Variants in RALGAPA1 observed in about 807,000 individuals in gnomAD.
RALGAPA1 encodes Ral GTPase activating protein catalytic subunit alpha 1.
In RALGAPA1, 52 loss-of-function variants were observed where a neutral mutation model predicts 269.6. That is an observed-to-expected ratio of 0.19 (90% confidence interval 0.15 to 0.24). The LOEUF (loss-of-function observed/expected upper bound fraction) is 0.24, where lower values mean the gene tolerates loss of function less well. Among genes scored for constraint, RALGAPA1 ranks in the 10% least tolerant of loss-of-function variants. RALGAPA1 has a pLI of 1.00. For missense variants in RALGAPA1, 1,917 were observed against 3,013.9 expected (o/e 0.64, Z 8.52); for synonymous variants, 817 against 1,008.3 (o/e 0.81, Z 3.60).
chr14:35,700,380 A>T, intron 16 of RALGAPA1, 78 bp from the exon 17 acceptor site: 1 of 1,189,776 alleles, frequency 8.4e-7, no homozygotes, highest in Non-Finnish European at 1.1e-6. Context: ...TCACAGAAAA[A>T]GCAGCAACAG....
chr14:35,749,911 TAA>T (rs1353618946), intron 9 of RALGAPA1, among the ~76,000 whole-genome samples: 1 of 151,996 alleles, frequency 6.6e-6, no homozygotes, highest in Non-Finnish European at 1.5e-5. Context: ...AAAAATACTG[TAA>T]TATAGACATG....
intron 19 of RALGAPA1, among the ~76,000 whole-genome samples, 189 bp downstream of exon 19, chr14:35,686,353 T>C (rs973230466): frequency 1.3e-5 from 2 of 152,070 alleles, no homozygotes; most frequent in African/African-American, 4.8e-5. Flanking sequence ...AGGCTGTTTA[T>C]GTCTTTAGAT....
rs748346559 is a variant in RALGAPA1 at position 35,605,606 on chromosome 14, C to T, written c.7033G>A (p.Val2345Ile). Residue 2345 changes from valine (V) to isoleucine (I), a missense_variant, in exon 36 of 42, where the codon GTA (valine) becomes ATA (isoleucine). Coordinates refer to ENST00000680220, the MANE Select transcript of RALGAPA1 (RefSeq NM_001346249.2). Reference protein sequence around the residue: ...TGGSQAYEDFVAGLGWEVNLT... With the variant: ...TGGSQAYEDFIAGLGWEVNLT... ...AATACCTCCCAACCAAGACCAGCTA[C>T]AAAATCTTCATATGCTTGACTTCCT... 6 of 1,604,344 alleles carry T rather than the reference C, an allele frequency of 3.7e-6. No individual in the cohort carries two copies. The highest frequency in any genetic ancestry group is 1.7e-4 in the Middle Eastern group (1 of 5,938).
At chr14:35,653,603 T>G (rs2062986048) in intron 30 of RALGAPA1, among the ~76,000 whole-genome samples, 1 of 152,134 alleles carries the variant, frequency 6.6e-6, no homozygotes, top group African/African-American at 2.4e-5. Context: ...AATTCACAGC[T>G]AAAGAATTTG....
intron 12 of RALGAPA1, among the ~76,000 whole-genome samples, chr14:35,730,681 C>T (rs1046241699): frequency 1.3e-5 from 2 of 152,146 alleles, no homozygotes; most frequent in African/African-American, 4.8e-5. Context: ...GTACACAACT[C>T]CATTGACCTG....
chr14:35,760,231 T>G (rs902402849), intron 6 of RALGAPA1, among the ~76,000 whole-genome samples: 2 of 152,200 alleles, frequency 1.3e-5, no homozygotes, highest in African/African-American at 4.8e-5. Context: ...GGGGCTTTAC[T>G]GACTCTAGAG....
At chr14:35,628,025 C>T in intron 33 of RALGAPA1, 74 bp from the exon 34 acceptor site, 1 of 1,415,698 alleles carries the variant, frequency 7.1e-7, no homozygotes, top group Non-Finnish European at 9.5e-7. Context: ...AAATATTAGA[C>T]AACAAATAGG....
chr14:35,782,840 T>C (rs1197826642), intron 1 of RALGAPA1, among the ~76,000 whole-genome samples: 1 of 152,038 alleles, frequency 6.6e-6, no homozygotes, highest in East Asian at 1.9e-4. Flanking sequence ...ATTTTTTTTT[T>C]TTAAATGGAG....
At chr14:35,647,426 C>T (rs937275970) in intron 31 of RALGAPA1, among the ~76,000 whole-genome samples, 3 of 152,104 alleles carry the variant, frequency 2.0e-5, no homozygotes, top group Non-Finnish European at 2.9e-5. Flanking sequence ...TGAGAAATGC[C>T]TCCCTATACT....
At chr14:35,622,230 T>C (rs2060680586) in intron 35 of RALGAPA1, among the ~76,000 whole-genome samples, 1 of 152,166 alleles carries the variant, frequency 6.6e-6, no homozygotes, top group Non-Finnish European at 1.5e-5. Flanking sequence ...TGGACGAAGC[T>C]AGAAACCATC....
chr14:35,576,051 T>C (rs530985168), intron 37 of RALGAPA1, among the ~76,000 whole-genome samples: 7 of 152,370 alleles, frequency 4.6e-5, no homozygotes, highest in African/African-American at 9.6e-5. Flanking sequence ...CTAATATATA[T>C]CTTACCTTTC....
intron 1 of RALGAPA1, among the ~76,000 whole-genome samples, chr14:35,779,044 A>G (rs1039683717): frequency 6.6e-6 from 1 of 152,202 alleles, no homozygotes; most frequent in Non-Finnish European, 1.5e-5. Flanking sequence ...TCAGCCTCCA[A>G]TGTAATACAT....
intron 7 of RALGAPA1, among the ~76,000 whole-genome samples, chr14:35,755,147 A>C (rs896530321): frequency 6.6e-6 from 1 of 152,054 alleles, no homozygotes; most frequent in Admixed American, 6.6e-5. Context: ...CAGGAGTTTG[A>C]GACCAGCCTG....
chr14:35,657,481 C>G (rs1026702648), intron 28 of RALGAPA1, among the ~76,000 whole-genome samples: 1 of 151,646 alleles, frequency 6.6e-6, no homozygotes, highest in Non-Finnish European at 1.5e-5. Flanking sequence ...CGAGCCACCA[C>G]GCCTGGCCTG....
chr14:35,584,272 A>T (rs1566746464), intron 37 of RALGAPA1, among the ~76,000 whole-genome samples: 2 of 149,994 alleles, frequency 1.3e-5, no homozygotes, highest in Admixed American at 6.7e-5. Flanking sequence ...GTATAGAATA[A>T]TTTTTTTTTT....
intron 9 of RALGAPA1, among the ~76,000 whole-genome samples, 162 bp downstream of exon 9, chr14:35,750,320 T>C (rs1486712930): frequency 6.6e-6 from 1 of 152,198 alleles, no homozygotes; most frequent in African/African-American, 2.4e-5. Context: ...ATTAAGAAAC[T>C]TATTAATTCT....
At chr14:35,741,232 C>A (rs1394934719) in intron 11 of RALGAPA1, among the ~76,000 whole-genome samples, 2 of 152,000 alleles carry the variant, frequency 1.3e-5, no homozygotes, top group Non-Finnish European at 2.9e-5. Flanking sequence ...CACATCATGA[C>A]TAAAAAAGTC....
intron 36 of RALGAPA1, among the ~76,000 whole-genome samples, chr14:35,600,624 G>A (rs1054669472): frequency 1.2e-4 from 19 of 152,110 alleles, no homozygotes; most frequent in African/African-American, 4.6e-4. Flanking sequence ...CCACTTGGTT[G>A]TTGGGTACAA....
chr14:35,573,208 G>C (rs2057340337), intron 37 of RALGAPA1, among the ~76,000 whole-genome samples: 1 of 152,008 alleles, frequency 6.6e-6, no homozygotes, highest in African/African-American at 2.4e-5. Context: ...AATGTTTGTG[G>C]GGTTTGCTTA....
Sources: gnomAD v4.1 joint callset for allele counts (sites outside exome capture counted in the v4.1 genomes callset) on GRCh38, gnomAD v4.1.1 for gene constraint, MANE v1.5 for transcripts, NCBI Gene and HGNC (gene_info 2026-07-23, HGNC 2026-07-21) for gene names.